PMM1: variants seen among roughly 807,000 people sequenced by gnomAD.
The protein encoded by PMM1 is phosphomannomutase 1.
In PMM1, 25 loss-of-function variants were observed where a neutral mutation model predicts 34.0. The ratio of observed to expected loss-of-function variants is 0.73; its 90% CI spans 0.54 to 1.03. The LOEUF (loss-of-function observed/expected upper bound fraction) is 1.03, where lower values mean the gene tolerates loss of function less well. Ranked by LOEUF, PMM1 falls within the 50% of genes least tolerant of loss-of-function variation. The pLI is 0.00. For missense variants in PMM1, 321 were observed against 350.1 expected (o/e 0.92, Z 0.66); for synonymous variants, 134 against 143.9 (o/e 0.93, Z 0.49).
rs774324833 is a variant in PMM1, at chr22:41,584,344, A to C, written c.311T>G (p.Leu104Arg). Residue 104 changes from leucine to arginine, a missense_variant, in exon 4 of 8, where the codon CTG becomes CGG. Coordinates refer to ENST00000216259, the MANE Select transcript of PMM1 (RefSeq NM_002676.3). ...GCAGAAGTTGATCAAGTCCTGCAGC[A>C]GCTCCTCCCCCAGGTGGTTCTGGAT... Reference protein sequence around the residue: ...QTIQNHLGEELLQDLINFCLS... With the variant: ...QTIQNHLGEERLQDLINFCLS... The C allele has an allele frequency of 6.2e-7, 1 of 1,614,150 alleles. No individual in the cohort carries two copies. Among genetic ancestry groups the C allele is most frequent in the South Asian group, 1.1e-5 (1 of 91,082 alleles).
intron 1 of PMM1, chr22:41,589,410 T>C (rs962157320): frequency 2.4e-5 from 12 of 504,088 alleles, no homozygotes; most frequent in Non-Finnish European, 4.0e-5. Flanking sequence ...AGCCAGGCCT[T>C]AGCGGCGTGT....
At chr22:41,582,508 G>A (rs1367847274) in intron 5 of PMM1, among the ~76,000 whole-genome samples, 1 of 152,182 alleles carries the variant, frequency 6.6e-6, no homozygotes, top group African/African-American at 2.4e-5. Context: ...AAGCATAGGG[G>A]ATCCAGAGGA....
chr22:41,583,650 A>C (rs1377749349), intron 5 of PMM1, among the ~76,000 whole-genome samples: 3 of 151,992 alleles, frequency 2.0e-5, no homozygotes, highest in Non-Finnish European at 2.9e-5. Flanking sequence ...AACAGATTTG[A>C]CACTGACTCG....
At position 41,577,443 on chromosome 22, in the gene PMM1, G is replaced by A. The variant is rs1419352490; in HGVS notation, c.667-3C>T. 1 of 1,609,628 alleles carries A rather than the reference G, an allele frequency of 6.2e-7. No individual in the cohort carries two copies. Among genetic ancestry groups the A allele is most frequent in the South Asian group, 1.1e-5 (1 of 90,984 alleles). ...AAGATCTCAAAGTCGTTCCCACCCT[G>A]CACACAGAGGATGGGCAGAGGAGGG... On this transcript the variant is annotated splice_region_variant and splice_polypyrimidine_tract_variant and intron_variant, in intron 7 of 7. Transcript: ENST00000216259.
At chr22:41,578,419 T>C (rs1484578451) in intron 6 of PMM1, among the ~76,000 whole-genome samples, 1 of 151,862 alleles carries the variant, frequency 6.6e-6, no homozygotes, top group Non-Finnish European at 1.5e-5. Flanking sequence ...GGGAGCCCAG[T>C]TGTGTCAGGG....
chr22:41,589,620 C>T lies in PMM1; in HGVS notation c.87+99G>A, dbSNP rs1241808001. On this transcript the variant is annotated intron_variant, in intron 1 of 7. Transcript: ENST00000216259. ...GTACCGCCGCATCCCACACTCGGTC[C>T]CCGGGTGTCCACGGTCACGCTGCTG... is the stretch of plus-strand genomic sequence containing the variant. The T allele has an allele frequency of 4.7e-6, 5 of 1,057,192 alleles. No homozygotes were observed. The East Asian group carries it at 7.8e-5, about 16-fold the overall frequency. The allele number at this position is 1,057,192 out of a possible 1,614,324, so 65.5% of individuals were successfully genotyped here.
intron 4 of PMM1, 24 bp downstream of exon 4, chr22:41,584,257 G>C (rs1421225830): frequency 2.0e-5 from 32 of 1,606,140 alleles, no homozygotes; most frequent in African/African-American, 2.7e-5. Flanking sequence ...CCAGGTTCTG[G>C]AGACCAGGCT....
chr22:41,577,955 G>T, intron 6 of PMM1, 32 bp from the exon 7 acceptor site: 2 of 1,494,030 alleles, frequency 1.3e-6, no homozygotes, highest in Non-Finnish European at 1.9e-6. Context: ...GTTATTCCCT[G>T]CTGGGAGGGG....
chr22:41,584,235 C>T, intron 4 of PMM1, 46 bp downstream of exon 4: 1 of 1,549,622 alleles, frequency 6.5e-7, no homozygotes, highest in South Asian at 1.1e-5. Flanking sequence ...CACACTTCTC[C>T]TCCCTCAGGC....
chr22:41,585,076 T>C, intron 2 of PMM1: 1 of 153,090 alleles, frequency 6.5e-6, no homozygotes, highest in Non-Finnish European at 1.4e-5. Context: ...GCAGTTGGAG[T>C]GGGTGGGAGG....
In PMM1 at chr22:41,577,840, T is replaced by C. The variant is rs762669256; in HGVS notation, c.634A>G (p.Thr212Ala). 1.2e-6 allele frequency: 2 copies of C among 1,613,002 alleles called. No homozygotes were observed. Among genetic ancestry groups the C allele is most frequent in the African/African-American group, 2.7e-5 (2 of 74,910 alleles). ...GTCTCGTTCCCAAAGAAGTGGATGG[T>C]GTCGAAGCTGTCCTGGTCCAGGCTA... The part of the protein sequence containing the change: ...LDSLDQDSFD[T>A]IHFFGNETSP... The change falls in exon 7 of 8, where the codon ACC becomes GCC. Residue 212 changes from threonine to alanine, a missense_variant. By Grantham distance (58) the Thr-to-Ala change is moderately conservative (BLOSUM62 0). Coordinates refer to ENST00000216259, the MANE Select transcript of PMM1 (RefSeq NM_002676.3).
intron 2 of PMM1, chr22:41,585,390 T>C (rs544994655): frequency 6.6e-6 from 1 of 152,226 alleles, no homozygotes; most frequent in South Asian, 2.1e-4. Context: ...TAAAGTGTGA[T>C]TGTGGGGATC....
intron 5 of PMM1, chr22:41,579,090 G>GGATGGGGCTGCC (rs1467286945): frequency 4.9e-5 from 27 of 545,960 alleles, no homozygotes; most frequent in Non-Finnish European, 6.7e-5. Context: ...AATCCAGAAG[G>GGATGGGGCTGCC]GATGGGGCTG....
At chr22:41,589,063 C>T (rs2067346860) in intron 1 of PMM1, 1 of 1,300,472 alleles carries the variant, frequency 7.7e-7, no homozygotes. Flanking sequence ...CTCACTATTC[C>T]TCAGTGTCCT....
intron 5 of PMM1, among the ~76,000 whole-genome samples, chr22:41,583,408 G>C (rs1428354742): frequency 6.6e-6 from 1 of 152,144 alleles, no homozygotes; most frequent in Non-Finnish European, 1.5e-5. Context: ...CTTGAACACG[G>C]GAGGTGGGAG....
At chr22:41,586,243 G>A (rs540002879) in intron 1 of PMM1, 50 bp from the exon 2 acceptor site, 2 of 1,597,440 alleles carry the variant, frequency 1.3e-6, no homozygotes, top group East Asian at 4.5e-5. Context: ...ACATGTCTGG[G>A]ACCTCCACTT....
At chr22:41,577,604 T>G in intron 7 of PMM1, 164 bp from the exon 8 acceptor site, 1 of 907,956 alleles carries the variant, frequency 1.1e-6, no homozygotes, top group Non-Finnish European at 1.7e-6. Context: ...GTAGAACAAG[T>G]GCCCAGCCTC....
In PMM1 at chr22:41,584,046, G is replaced by A. The variant is rs752745047; in HGVS notation, c.387C>T (p.Ile129=). 2.5e-5 allele frequency: 41 copies of A among 1,613,088 alleles called. No homozygotes were observed. Among genetic ancestry groups the A allele is most frequent in the Non-Finnish European group, 3.4e-5 (40 of 1,179,190 alleles). ...LRLPKKRGTF[I]EFRNGMLNIS... is the part of the protein sequence containing the mutation. ...TGTTCAGCATGCCATTCCGGAACTC[G>A]ATGAAGGTTCCACTGGTGGTGAGGG... Residue 129 remains isoleucine, a synonymous_variant, in exon 5 of 8, where the codon ATC becomes ATT. Coordinates refer to ENST00000216259, the MANE Select transcript of PMM1 (RefSeq NM_002676.3).
intron 5 of PMM1, chr22:41,580,355 C>G (rs990888649): frequency 1.3e-5 from 2 of 152,236 alleles, no homozygotes; most frequent in African/African-American, 2.4e-5. Flanking sequence ...TCATGCTCCT[C>G]CAGTGCCAGA....
Sources: gnomAD v4.1 joint callset for allele counts (sites outside exome capture counted in the v4.1 genomes callset) on GRCh38, gnomAD v4.1.1 for gene constraint, MANE v1.5 for transcripts, NCBI Gene and HGNC (gene_info 2026-07-23, HGNC 2026-07-21) for gene names.